The following SPTBN1 variants were observed in gnomAD, a reference collection of about 807,000 sequenced individuals.
SPTBN1 encodes spectrin beta, non-erythrocytic 1.
A neutral mutation model predicts 266.4 loss-of-function variants in SPTBN1; 32 were observed. The observed-to-expected ratio is 0.12, with a 90% CI of 0.09 to 0.16. The LOEUF (loss-of-function observed/expected upper bound fraction) is 0.16, where lower values mean the gene tolerates loss of function less well. Ranked by LOEUF, SPTBN1 falls within the 10% of genes least tolerant of loss-of-function variation. The probability of loss-of-function intolerance (pLI) is 1.00; values close to 1 mark genes in which losing one functional copy is unlikely to be tolerated. For synonymous variants in SPTBN1, 1,336 were observed against 1,162.2 expected (o/e 1.15, Z -3.04); for missense variants, 2,296 against 3,067.1 (o/e 0.75, Z 5.94).
intron 2 of SPTBN1, among the ~76,000 whole-genome samples, chr2:54,565,494 G>T (rs953413878): frequency 6.6e-6 from 1 of 152,096 alleles, no homozygotes; most frequent in Non-Finnish European, 1.5e-5. Flanking sequence ...CCCACAGTTG[G>T]CTCAAGAGCC....
chr2:54,568,318 C>A (rs1673808974), intron 2 of SPTBN1, among the ~76,000 whole-genome samples: 1 of 139,912 alleles, frequency 7.1e-6, no homozygotes, highest in Non-Finnish European at 1.5e-5. Flanking sequence ...CCACTGCATT[C>A]CAGCCTGGGC....
intron 2 of SPTBN1, among the ~76,000 whole-genome samples, chr2:54,552,691 G>A (rs1252410180): frequency 1.3e-5 from 2 of 151,844 alleles, no homozygotes; most frequent in East Asian, 1.9e-4. Flanking sequence ...TCCTGACCTC[G>A]TGATCCACCT....
Position 54,629,904 on chromosome 2 carries a change from A to G in SPTBN1, c.2682A>G (p.Leu894=). Residue 894 remains leucine, a synonymous_variant, in exon 15 of 36, where the codon CTA becomes CTG. Coordinates refer to ENST00000356805, the MANE Select transcript of SPTBN1 (RefSeq NM_003128.3). The part of the protein sequence containing the change: ...LEVIQHRFES[L]EPEMNNQASR... Reference sequence around the variant, plus strand: ...ATTGCCATTTCAGATTTGAGAGCCTAGAACCAGAAATGAACAACCAGGCTT... The same window carrying G: ...ATTGCCATTTCAGATTTGAGAGCCTGGAACCAGAAATGAACAACCAGGCTT... 1 of 1,614,088 alleles carries G rather than the reference A, an allele frequency of 6.2e-7. No homozygotes were observed. Among genetic ancestry groups the G allele is most frequent in the South Asian group, 1.1e-5 (1 of 91,082 alleles).
chr2:54,635,144 G>C (rs1183444993), intron 17 of SPTBN1, among the ~76,000 whole-genome samples: 1 of 152,184 alleles, frequency 6.6e-6, no homozygotes, highest in African/African-American at 2.4e-5. Context: ...ATTACAGGGA[G>C]AGAAAGTGAG....
chr2:54,558,336 C>T lies in SPTBN1; in HGVS notation c.148+31770C>T. ...TCAGGTGACATCACCGCCCAGCACA[C>T]GGCGAGTGGCTCCTGATAAAATTAC... On this transcript the variant is annotated intron_variant, in intron 2 of 35. Transcript: ENST00000356805. This position sits in a 1 kb window ranked among gnomAD's most constrained non-coding sequence, Gnocchi z 4.6. 3.0e-6 allele frequency: 3 copies of T among 995,724 alleles called. No individual in the cohort carries two copies. Among genetic ancestry groups the T allele is most frequent in the Non-Finnish European group, 2.4e-6 (2 of 836,432 alleles). 61.7% of individuals were successfully genotyped at this position (995,724 alleles called of 1,614,324 possible).
chr2:54,581,743 GC>G (rs1674929487), intron 2 of SPTBN1, among the ~76,000 whole-genome samples: 1 of 151,886 alleles, frequency 6.6e-6, no homozygotes, highest in Admixed American at 6.6e-5. Flanking sequence ...TGACTAATTA[GC>G]CAGCTGCTGC....
chr2:54,530,041 G>A (rs1379810200), intron 2 of SPTBN1, among the ~76,000 whole-genome samples: 1 of 151,986 alleles, frequency 6.6e-6, no homozygotes, highest in Non-Finnish European at 1.5e-5. Flanking sequence ...GTTCTAAAGC[G>A]AGACATTTTG....
rs1233793986 is a variant in SPTBN1, at chr2:54,653,994, G to T, written c.5822+141G>T. On this transcript the variant is annotated intron_variant, in intron 27 of 35. Transcript: ENST00000356805. This position sits in a 1 kb window ranked among gnomAD's most constrained non-coding sequence, Gnocchi z 5.1. ...GAGTGGGGGTGGGGCGGTGCTTGGA[G>T]TGCGGCACCACTGCTTGCCTCGTGC... The T allele has an allele frequency of 1.6e-6, 2 of 1,285,926 alleles. No homozygotes were observed. Among genetic ancestry groups the T allele is most frequent in the Non-Finnish European group, 2.1e-6 (2 of 948,944 alleles). 79.7% of individuals were successfully genotyped at this position (1,285,926 alleles called of 1,614,324 possible).
At position 54,668,310 on chromosome 2, in the gene SPTBN1, A is replaced by G. The variant is rs112455639; in HGVS notation, c.6877-41A>G. 2.3e-5 allele frequency: 37 copies of G among 1,598,256 alleles called. No individual in the cohort carries two copies. In the African/African-American group the frequency reaches 3.8e-4, roughly 16 times the overall value. ...CTTGGAGCCAGAACCCCTCATGCCT[A>G]CTCTTAGTTGAGTCTCACCTGTGTC... On this transcript the variant is annotated intron_variant, in intron 35 of 35. Coordinates refer to ENST00000356805, the MANE Select transcript of SPTBN1 (RefSeq NM_003128.3).
intron 32 of SPTBN1, chr2:54,660,866 C>T (rs1558481081): frequency 5.1e-6 from 5 of 985,332 alleles, no homozygotes; most frequent in African/African-American, 1.7e-5. Context: ...CGGCAGGTGA[C>T]AGCCGTTCTC....
In SPTBN1 at chr2:54,649,086, T is replaced by A; in HGVS notation, c.5098T>A (p.Leu1700Ile). Residue 1700 changes from leucine to isoleucine, a missense_variant, in exon 25 of 36, where the codon TTA (leucine) becomes ATA (isoleucine). Physicochemically the swap from Leu to Ile is conservative, Grantham distance 5. Around this residue, in one of 12 missense-constraint regions of SPTBN1, gnomAD observed 644 missense variants for 745.3 expected, o/e 0.86. Transcript: ENST00000356805. The surrounding 1 kb of genome is among the most constrained non-coding windows in gnomAD (Gnocchi z 6.7). ...AGGCAAGCTGGATGAGAGACACAGG[T>A]TATTCCAGCTCAACCGGGAGGTGGA... ...RRGKLDERHRLFQLNREVDDL... is the reference protein window; with the variant it reads ...RRGKLDERHRIFQLNREVDDL... 6.2e-7 allele frequency: 1 copy of A among 1,614,118 alleles called. No individual in the cohort carries two copies. Among genetic ancestry groups the A allele is most frequent in the Non-Finnish European group, 8.5e-7 (1 of 1,179,992 alleles).
chr2:54,647,523 G>T (rs966701392), intron 24 of SPTBN1, among the ~76,000 whole-genome samples: 1 of 152,186 alleles, frequency 6.6e-6, no homozygotes, highest in Non-Finnish European at 1.5e-5. Flanking sequence ...TATTGGTGTC[G>T]TGAGTCAAAA....
rs138320976 is a variant in SPTBN1, at chr2:54,462,937, C to T, written c.-48+6419C>T. Among the ~76,000 whole-genome samples, 932 of 152,316 alleles carry T rather than the reference C, an allele frequency of 6.1e-3. 5 individuals are homozygous for T. Among genetic ancestry groups the T allele is most frequent in the Non-Finnish European group, 0.01 (687 of 68,030 alleles). On this transcript the variant is annotated intron_variant, in intron 1 of 35. Transcript: ENST00000356805. ...GACATGGTGTTCTAGGCAGTAACTA[C>T]CACTCGATTAAATCTGGCATTCAGT... is the stretch of plus-strand genomic sequence containing the variant.
rs1243587309 is a variant in SPTBN1, at chr2:54,533,898, TCTCACACA to T, written c.148+7334_148+7341del. 1.1e-4 allele frequency among the ~76,000 whole-genome samples: 10 copies of T among 93,518 alleles called. No homozygotes were observed. Among genetic ancestry groups the T allele is most frequent in the African/African-American group, 4.6e-4 (10 of 21,716 alleles). 61.4% of individuals were successfully genotyped at this position (93,518 alleles called of 152,430 possible). ...AGATTGATCTCTCTCTCTGTCTCTC[TCTCACACA>T]CACACACACACACACACACACGCAC... On this transcript the variant is annotated intron_variant, in intron 2 of 35. Coordinates refer to ENST00000356805, the MANE Select transcript of SPTBN1 (RefSeq NM_003128.3). This position sits in a 1 kb window ranked among gnomAD's most constrained non-coding sequence, Gnocchi z 4.2.
intron 3 of SPTBN1, among the ~76,000 whole-genome samples, chr2:54,606,511 G>A (rs1254035078): frequency 6.6e-6 from 1 of 152,186 alleles, no homozygotes; most frequent in African/African-American, 2.4e-5. Flanking sequence ...AAAAATGTCA[G>A]AAGCCCCTGC....
chr2:54,667,738 A>G (rs1382239363), intron 35 of SPTBN1, 92 bp downstream of exon 35: 2 of 1,190,204 alleles, frequency 1.7e-6, no homozygotes, highest in Non-Finnish European at 2.5e-6. Context: ...CTTCATGTAA[A>G]TGATGATCAG....
intron 2 of SPTBN1, 183 bp downstream of exon 2, chr2:54,526,749 C>G (rs1670841606): frequency 7.5e-6 from 5 of 666,120 alleles, no homozygotes; most frequent in Admixed American, 3.7e-5. Context: ...GGAGAGCTGT[C>G]AACTCTAATG....
rs560874532 is a variant in SPTBN1 at position 54,563,643 on chromosome 2, G to A, written c.149-35449G>A. On this transcript the variant is annotated intron_variant, in intron 2 of 35. Coordinates refer to ENST00000356805, the MANE Select transcript of SPTBN1 (RefSeq NM_003128.3). ...TTTTGAGACGGGGTCTCACCCTGTC[G>A]CTCAGGCTGGAGTGCAGTGGCGCGA... Among the ~76,000 whole-genome samples, 517 of 110,358 alleles carry A rather than the reference G, an allele frequency of 4.7e-3. 3 individuals carry two copies. The highest frequency in any genetic ancestry group is 0.018 in the African/African-American group (498 of 28,368). 72.4% of individuals were successfully genotyped at this position (110,358 alleles called of 152,430 possible).
intron 1 of SPTBN1, among the ~76,000 whole-genome samples, chr2:54,471,339 T>A (rs1048034240): frequency 6.6e-6 from 1 of 152,232 alleles, no homozygotes; most frequent in African/African-American, 2.4e-5. Context: ...CCTTACTTGG[T>A]GAGTGCTTAA....
Sources: gnomAD v4.1 joint callset for allele counts (sites outside exome capture counted in the v4.1 genomes callset) on GRCh38, gnomAD v4.1.1 for gene constraint, gnomAD v4.1.1 regional missense constraint, Gnocchi (gnomAD v3.1) non-coding constraint, MANE v1.5 for transcripts, NCBI Gene and HGNC (gene_info 2026-07-23, HGNC 2026-07-21) for gene names.